The following AGAP1 variants were observed in gnomAD, a reference collection of about 807,000 sequenced individuals.
The protein encoded by AGAP1 is arf-GAP with GTPase, ANK repeat and PH domain-containing protein 1.
AGAP1 carries 29 observed loss-of-function variants against 105.3 expected under a neutral mutation model. That is an observed-to-expected ratio of 0.28 (90% CI 0.21 to 0.38). The LOEUF is 0.38. Among genes scored for constraint, AGAP1 ranks in the 10% least tolerant of loss-of-function variants. The pLI is 1.00. For synonymous variants in AGAP1, 509 were observed against 485.9 expected (o/e 1.05, Z -0.63); for missense variants, 998 against 1,165.1 (o/e 0.86, Z 2.09).
At chr2:235,779,019 A>C (rs1192229625) in intron 6 of AGAP1, among the ~76,000 whole-genome samples, 1 of 152,222 alleles carries the variant, frequency 6.6e-6, no homozygotes, top group Admixed American at 6.5e-5. Flanking sequence ...ACTGAGCCAC[A>C]AAAGGGCCAG....
rs2057671605 is a variant in AGAP1 at position 236,044,931 on chromosome 2, G to A, written c.1891+4090G>A. Among the ~76,000 whole-genome samples the A allele has an allele frequency of 1.3e-5, 2 of 152,158 alleles. No homozygotes were observed. The highest frequency in any genetic ancestry group is 2.4e-5 in the African/African-American group (1 of 41,444). On this transcript the variant is annotated intron_variant, in intron 15 of 17. Transcript: ENST00000304032. This position sits in a 1 kb window ranked among gnomAD's most constrained non-coding sequence, Gnocchi z 5.7. ...CTATAGCCCAGGATGGAGTGCAGCA[G>A]AAAGGGTAGGCTGCCTCTCGGGGCC...
intron 1 of AGAP1, among the ~76,000 whole-genome samples, chr2:235,704,966 TTTC>T (rs1559373800): frequency 1.8e-5 from 1 of 55,226 alleles, no homozygotes. Flanking sequence ...AAGATGCTTT[TTTC>T]TTTTTTTTTT....
chr2:236,090,112 C>T lies in AGAP1; in HGVS notation c.2115-30080C>T, dbSNP rs1159837625. Among the ~76,000 whole-genome samples, 2 of 152,184 alleles carry T rather than the reference C, an allele frequency of 1.3e-5. No homozygotes were observed. Among genetic ancestry groups the T allele is most frequent in the African/African-American group, 2.4e-5 (1 of 41,440 alleles). On this transcript the variant is annotated intron_variant, in intron 16 of 17. Transcript: ENST00000304032. The surrounding 1 kb of genome is among the most constrained non-coding windows in gnomAD (Gnocchi z 4.3). Reference sequence around the variant, plus strand: ...ACTGCTCTCCTCACCTTGCCCTGCGCGCCTGAGCCCTTCACAGAGACCGGC... The same window carrying T: ...ACTGCTCTCCTCACCTTGCCCTGCGTGCCTGAGCCCTTCACAGAGACCGGC...
chr2:235,825,185 G>C (rs539952649), intron 9 of AGAP1, among the ~76,000 whole-genome samples: 1 of 152,208 alleles, frequency 6.6e-6, no homozygotes, highest in African/African-American at 2.4e-5. Context: ...CTGGATGCAG[G>C]CTCCCGTCTC....
chr2:235,661,148 C>G (rs537028139), intron 1 of AGAP1, among the ~76,000 whole-genome samples: 57 of 152,106 alleles, frequency 3.7e-4, no homozygotes, highest in Non-Finnish European at 6.6e-4. Flanking sequence ...AATCCTGAGA[C>G]AGATGAAGAG....
chr2:235,567,814 A>T (rs1944395439), intron 1 of AGAP1, among the ~76,000 whole-genome samples: 1 of 151,588 alleles, frequency 6.6e-6, no homozygotes, highest in Non-Finnish European at 1.5e-5. Context: ...CCTGTAGGGG[A>T]AGTGGGAGAG....
rs377242771 is a variant in AGAP1, at chr2:236,124,466, G to A, written c.*344G>A. The A allele has an allele frequency of 3.5e-5, 11 of 317,026 alleles. No individual in the cohort carries two copies. The East Asian group carries it at 5.6e-4, about 16-fold the overall frequency. 19.6% of individuals were successfully genotyped at this position (317,026 alleles called of 1,614,324 possible). On this transcript the variant is annotated 3_prime_UTR_variant, in exon 18 of 18. Coordinates refer to ENST00000304032, the MANE Select transcript of AGAP1 (RefSeq NM_001037131.3). The surrounding 1 kb of genome is among the most constrained non-coding windows in gnomAD (Gnocchi z 5.1). ...TGGGGACGCGAGGGGGAGGGGAGGC[G>A]AGGAACAAGGAGAAGGGGCAACTTT...
In AGAP1 at chr2:235,927,833, C is replaced by T. The variant is rs12990427; in HGVS notation, c.1325-2932C>T. Among the ~76,000 whole-genome samples, 1,840 of 152,260 alleles carry T rather than the reference C, an allele frequency of 0.012. 18 individuals are homozygous for T. Among genetic ancestry groups the T allele is most frequent in the Middle Eastern group, 0.037 (11 of 294 alleles). ...TTGAGTGCCATGTTGTCATCGTTGT[C>T]CCAAAGATGGAGGGACAGACAGACA... On this transcript the variant is annotated intron_variant, in intron 11 of 17. Coordinates refer to ENST00000304032, the MANE Select transcript of AGAP1 (RefSeq NM_001037131.3). The surrounding 1 kb of genome is among the most constrained non-coding windows in gnomAD (Gnocchi z 4.4).
intron 4 of AGAP1, among the ~76,000 whole-genome samples, chr2:235,743,061 G>A (rs1952683047): frequency 6.6e-6 from 1 of 152,198 alleles, no homozygotes; most frequent in Admixed American, 6.5e-5. Context: ...TAGCTGTTTG[G>A]GAGGCTGAGG....
intron 1 of AGAP1, among the ~76,000 whole-genome samples, chr2:235,694,082 A>G (rs1949876182): frequency 6.6e-6 from 1 of 152,130 alleles, no homozygotes; most frequent in Non-Finnish European, 1.5e-5. Flanking sequence ...GGTGGCTTAC[A>G]CCTGTAATCC....
At chr2:236,006,449 T>G (rs531899179) in intron 13 of AGAP1, among the ~76,000 whole-genome samples, 3 of 152,358 alleles carry the variant, frequency 2.0e-5, no homozygotes, top group East Asian at 3.9e-4. Flanking sequence ...ACGAAATGTG[T>G]GTATACTAAC....
intron 9 of AGAP1, among the ~76,000 whole-genome samples, chr2:235,829,615 C>T (rs1005670593): frequency 3.9e-5 from 6 of 152,262 alleles, no homozygotes; most frequent in East Asian, 1.9e-4. Flanking sequence ...TTATATATTG[C>T]GAAGAGATTT....
At chr2:236,019,945 C>CT (rs1364134817) in intron 13 of AGAP1, among the ~76,000 whole-genome samples, 1 of 152,262 alleles carries the variant, frequency 6.6e-6, no homozygotes, top group Non-Finnish European at 1.5e-5. Flanking sequence ...AACCTGCTCT[C>CT]TGCAGTGAGC....
At chr2:235,680,678 G>A (rs1034859365) in intron 1 of AGAP1, among the ~76,000 whole-genome samples, 2 of 152,064 alleles carry the variant, frequency 1.3e-5, no homozygotes, top group African/African-American at 4.8e-5. Context: ...AGCTGGGGCT[G>A]TACCTGCCAG....
At chr2:235,504,793 C>G (rs1308088816) in intron 1 of AGAP1, among the ~76,000 whole-genome samples, 1 of 152,178 alleles carries the variant, frequency 6.6e-6, no homozygotes, top group East Asian at 1.9e-4. Flanking sequence ...TTCATTCTTT[C>G]AGTTGTTTGT....
In AGAP1 at chr2:235,754,431, A is replaced by T. The variant is rs965717145; in HGVS notation, c.673+3943A>T. Among the ~76,000 whole-genome samples, 10 of 152,156 alleles carry T rather than the reference A, an allele frequency of 6.6e-5. No individual in the cohort carries two copies. The highest frequency in any genetic ancestry group is 2.4e-4 in the African/African-American group (10 of 41,446). Reference sequence around the variant, plus strand: ...CATAATGTTTGGCTTGTAAATAAAAAAAAAAAAAAAATCCAGCTGCTTCCA... The same window carrying T: ...CATAATGTTTGGCTTGTAAATAAAATAAAAAAAAAAATCCAGCTGCTTCCA... On this transcript the variant is annotated intron_variant, in intron 6 of 17. Transcript: ENST00000304032. The surrounding 1 kb of genome is among the most constrained non-coding windows in gnomAD (Gnocchi z 4.6).
chr2:235,563,212 T>G (rs1944222491), intron 1 of AGAP1, among the ~76,000 whole-genome samples: 1 of 152,204 alleles, frequency 6.6e-6, no homozygotes, highest in Non-Finnish European at 1.5e-5. Context: ...CCGAGCTGCC[T>G]GGCCTTGGCT....
chr2:235,678,980 C>T (rs996158082), intron 1 of AGAP1, among the ~76,000 whole-genome samples: 2 of 152,200 alleles, frequency 1.3e-5, no homozygotes, highest in Non-Finnish European at 2.9e-5. Context: ...TGATCTTAAT[C>T]GGATTCTCCC....
intron 9 of AGAP1, among the ~76,000 whole-genome samples, chr2:235,837,952 G>T (rs1265051834): frequency 6.6e-6 from 1 of 152,188 alleles, no homozygotes; most frequent in Admixed American, 6.5e-5. Context: ...GGAGGCTGAG[G>T]TGGGTAGATC....
Sources: allele counts gnomAD v4.1 joint callset (sites outside exome capture counted in the v4.1 genomes callset), GRCh38; gene constraint gnomAD v4.1.1; non-coding constraint Gnocchi (gnomAD v3.1); transcripts MANE v1.5; gene names NCBI Gene and HGNC (gene_info 2026-07-23, HGNC 2026-07-21).